The following UNKL variants were observed in gnomAD, a reference collection of about 807,000 sequenced individuals.
The protein encoded by UNKL is putative E3 ubiquitin-protein ligase UNKL.
In UNKL, 60 loss-of-function variants were observed where a neutral mutation model predicts 78.0. That is an observed-to-expected ratio of 0.77 (90% CI 0.63 to 0.95). The LOEUF is 0.95. UNKL is among the 40% of genes least tolerant of loss of function. The pLI is 0.00. For synonymous variants in UNKL, 608 were observed against 474.8 expected (o/e 1.28, Z -3.65); for missense variants, 1,159 against 1,045.7 (o/e 1.11, Z -1.49).
intron 2 of UNKL, among the ~76,000 whole-genome samples, chr16:1,409,439 A>G (rs544310550): frequency 1.2e-4 from 19 of 152,282 alleles, no homozygotes; most frequent in African/African-American, 4.6e-4. Flanking sequence ...CCTGTCAGAC[A>G]CTTCCTAAAG....
At position 1,399,100 on chromosome 16, in the gene UNKL, C is replaced by A; in HGVS notation, c.734+274G>T. 1 of 1,233,958 alleles carries A rather than the reference C, an allele frequency of 8.1e-7. No individual in the cohort carries two copies. Among genetic ancestry groups the A allele is most frequent in the Non-Finnish European group, 1.1e-6 (1 of 917,772 alleles). The allele number at this position is 1,233,958 out of a possible 1,614,324, so 76.4% of individuals were successfully genotyped here. ...CCAGCTGGGCTTGGGGTCCCTCCTG[C>A]AGTGCTCCGTCCCCTTGCCTGGCAG... On this transcript the variant is annotated intron_variant, in intron 5 of 14. Coordinates refer to ENST00000389221, the MANE Select transcript of UNKL (RefSeq NM_001372107.1). This position sits in a 1 kb window ranked among gnomAD's most constrained non-coding sequence, Gnocchi z 5.8.
At chr16:1,377,031 C>T (rs556147675) in intron 10 of UNKL, among the ~76,000 whole-genome samples, 1 of 151,950 alleles carries the variant, frequency 6.6e-6, no homozygotes, top group Non-Finnish European at 1.5e-5. Context: ...CACACCCAGC[C>T]CCCCCAACCG....
At chr16:1,368,005 C>T (rs985177845) in intron 12 of UNKL, 147 bp from the exon 13 acceptor site, 18 of 698,344 alleles carry the variant, frequency 2.6e-5, no homozygotes, top group Non-Finnish European at 4.1e-5. Flanking sequence ...CCACGCCTGC[C>T]CCTTGCCCCA....
At chr16:1,371,259 A>G (rs2035812787) in intron 11 of UNKL, among the ~76,000 whole-genome samples, 1 of 152,114 alleles carries the variant, frequency 6.6e-6, no homozygotes, top group Non-Finnish European at 1.5e-5. Context: ...CCGAGGCAGG[A>G]GAGATGCTGA....
At chr16:1,406,177 T>C (rs2037754086) in intron 2 of UNKL, 1 of 390,462 alleles carries the variant, frequency 2.6e-6, no homozygotes, top group Non-Finnish European at 5.2e-6. Flanking sequence ...CTGGGGGTGA[T>C]GGGAGGAACA....
Position 1,403,107 on chromosome 16 carries a change from T to C in UNKL, c.464+61A>G. On this transcript the variant is annotated intron_variant, in intron 3 of 14. Transcript: ENST00000389221. This position sits in a 1 kb window ranked among gnomAD's most constrained non-coding sequence, Gnocchi z 4.8. Reference sequence around the variant, plus strand: ...GGCGAGCCACTTGCCGAGTTCCTGCTCATCCAGCAGAGCCCACAGCAGCAG... The same window carrying C: ...GGCGAGCCACTTGCCGAGTTCCTGCCCATCCAGCAGAGCCCACAGCAGCAG... 1 of 1,533,656 alleles carries C rather than the reference T, an allele frequency of 6.5e-7. No individual in the cohort carries two copies. Among genetic ancestry groups the C allele is most frequent in the Non-Finnish European group, 8.8e-7 (1 of 1,140,412 alleles).
At chr16:1,402,424 AGGCCGAGGCG>A (rs1205842429) in intron 3 of UNKL, among the ~76,000 whole-genome samples, 1 of 152,046 alleles carries the variant, frequency 6.6e-6, no homozygotes, top group African/African-American at 2.4e-5. Flanking sequence ...GAATTTCAGG[AGGCCGAGGCG>A]GGCAGATCAT....
At chr16:1,379,491 C>G in intron 10 of UNKL, 5 of 985,388 alleles carry the variant, frequency 5.1e-6, no homozygotes, top group Non-Finnish European at 6.0e-6. Flanking sequence ...CCGGGCCCAC[C>G]CCGCGGCTGT....
At chr16:1,383,858 C>T (rs760827946) in intron 10 of UNKL, 25 of 416,534 alleles carry the variant, frequency 6.0e-5, no homozygotes, top group South Asian at 4.1e-4. Flanking sequence ...CCCTGTCCTC[C>T]TGATCCCATG....
At position 1,371,529 on chromosome 16, in the gene UNKL, C is replaced by T; in HGVS notation, c.1347G>A (p.Leu449=). The stretch of plus-strand genomic sequence containing the variant: ...CCTCCCCACCCTCACCTGCTGCTCC[C>T]AGGTCGTGGCCGTCTTGCTCTTCCA... ...KDLEEQDGHD[L]GAAGPRSLAG... is the part of the protein sequence containing the mutation. The change falls in exon 11 of 15, where the codon CTG becomes CTA. Residue 449 remains leucine, a synonymous_variant. Coordinates refer to ENST00000389221, the MANE Select transcript of UNKL (RefSeq NM_001372107.1). 6.5e-7 allele frequency: 1 copy of T among 1,536,174 alleles called. No individual in the cohort carries two copies. Among genetic ancestry groups the T allele is most frequent in the Non-Finnish European group, 8.7e-7 (1 of 1,146,910 alleles).
At chr16:1,393,167 GT>G (rs1019015103) in intron 7 of UNKL, among the ~76,000 whole-genome samples, 191 bp from the exon 8 acceptor site, 1 of 152,212 alleles carries the variant, frequency 6.6e-6, no homozygotes. Flanking sequence ...TCTTAGACCA[GT>G]TTTTCATGTT....
At position 1,392,984 on chromosome 16, in the gene UNKL, G is replaced by A; in HGVS notation, c.938-8C>T. 6.4e-7 allele frequency: 1 copy of A among 1,550,466 alleles called. No individual in the cohort carries two copies. Among genetic ancestry groups the A allele is most frequent in the Non-Finnish European group, 8.7e-7 (1 of 1,146,970 alleles). ...TCACCATCCCCAGGCTCTCTGCAAGGACAGGGGAGCAGCAGACTCTGAGGG... is the reference window on the plus strand; with the variant it reads ...TCACCATCCCCAGGCTCTCTGCAAGAACAGGGGAGCAGCAGACTCTGAGGG... On this transcript the variant is annotated splice_polypyrimidine_tract_variant and splice_region_variant and intron_variant, in intron 7 of 14. Transcript: ENST00000389221.
At chr16:1,384,799 A>G (rs1462088976) in intron 10 of UNKL, among the ~76,000 whole-genome samples, 1 of 152,014 alleles carries the variant, frequency 6.6e-6, no homozygotes, top group Non-Finnish European at 1.5e-5. Flanking sequence ...GGGTCTCACT[A>G]TGTTGCCCAG....
intron 3 of UNKL, 21 bp from the exon 4 acceptor site, chr16:1,401,722 G>A (rs1189241338): frequency 6.3e-7 from 1 of 1,597,248 alleles, no homozygotes; most frequent in South Asian, 1.1e-5. Context: ...AGGACACAGT[G>A]GTCACAGCTC....
At chr16:1,391,018 G>A (rs182655143) in intron 8 of UNKL, among the ~76,000 whole-genome samples, 110 of 151,754 alleles carry the variant, frequency 7.2e-4, no homozygotes, top group African/African-American at 2.6e-3. Flanking sequence ...CAACAAGAGT[G>A]AAACTCCGTC....
At chr16:1,367,554 G>A (rs1596638017) in intron 13 of UNKL, 102 bp downstream of exon 13, 2 of 387,496 alleles carry the variant, frequency 5.2e-6, no homozygotes, top group East Asian at 1.9e-4. Flanking sequence ...TGAGTCACCT[G>A]CGGCCCTCCC....
chr16:1,396,890 A>C (rs1244001052), intron 6 of UNKL, among the ~76,000 whole-genome samples: 1 of 152,038 alleles, frequency 6.6e-6, no homozygotes, highest in East Asian at 1.9e-4. Flanking sequence ...AGACCTGAAT[A>C]TGTATGTTTT....
intron 2 of UNKL, 107 bp downstream of exon 2, chr16:1,413,739 G>C (rs907460965): frequency 6.4e-6 from 8 of 1,248,442 alleles, no homozygotes; most frequent in South Asian, 1.6e-5. Context: ...TCCCTCTGCA[G>C]GGGCCAGGTA....
chr16:1,401,134 T>C (rs1050578979), intron 4 of UNKL, among the ~76,000 whole-genome samples: 3 of 152,158 alleles, frequency 2.0e-5, no homozygotes, highest in Non-Finnish European at 4.4e-5. Flanking sequence ...AGCTGCTGTC[T>C]AGAGCACCAC....
Sources: gnomAD v4.1 joint callset for allele counts (sites outside exome capture counted in the v4.1 genomes callset) on GRCh38, gnomAD v4.1.1 for gene constraint, Gnocchi (gnomAD v3.1) non-coding constraint, MANE v1.5 for transcripts, NCBI Gene and HGNC (gene_info 2026-07-23, HGNC 2026-07-21) for gene names.